Variants in BACH2 observed in about 807,000 individuals in gnomAD.
BACH2 encodes the protein transcription regulator protein BACH2.
A neutral mutation model predicts 61.8 loss-of-function variants in BACH2; 5 were observed. The ratio of observed to expected loss-of-function variants is 0.08; its 90% CI spans 0.04 to 0.17. The LOEUF (loss-of-function observed/expected upper bound fraction) is 0.17. BACH2 is among the 10% of genes least tolerant of loss of function. The pLI is 1.00. For synonymous variants in BACH2, 446 were observed against 440.1 expected, an observed-to-expected ratio of 1.01 and a Z score of -0.17; for missense variants, 824 against 1,091.1, an observed-to-expected ratio of 0.76 and a Z score of 3.45.
chr6:90,175,118 G>T (rs1387548282), intron 4 of BACH2, among the ~76,000 whole-genome samples: 1 of 151,970 alleles, frequency 6.6e-6, no homozygotes, highest in Non-Finnish European at 1.5e-5. Context: ...CCTTCCACAT[G>T]TATGATATAC....
intron 3 of BACH2, among the ~76,000 whole-genome samples, chr6:90,213,155 T>A (rs1027168070): frequency 1.3e-5 from 2 of 152,040 alleles, no homozygotes; most frequent in Non-Finnish European, 2.9e-5. Flanking sequence ...AAGAATGAGA[T>A]GAGTGAAAGG....
chr6:89,970,851 T>C (rs903561470), intron 6 of BACH2, among the ~76,000 whole-genome samples: 7 of 152,146 alleles, frequency 4.6e-5, no homozygotes, highest in Non-Finnish European at 1.0e-4. Context: ...ACACAAGATA[T>C]TTCTATATCT....
intron 6 of BACH2, among the ~76,000 whole-genome samples, chr6:90,004,487 T>C (rs923812413): frequency 6.6e-6 from 1 of 152,154 alleles, no homozygotes; most frequent in African/African-American, 2.4e-5. Flanking sequence ...AGAAAGGTGG[T>C]GAGACCTTGG....
Position 90,008,511 on chromosome 6 carries a change from G to T in BACH2, c.243+91C>A. 6.6e-7 allele frequency: 1 copy of T among 1,519,818 alleles called. No individual in the cohort carries two copies. The highest frequency in any genetic ancestry group is 1.2e-5 in the South Asian group (1 of 82,550). 94.1% of individuals were successfully genotyped at this position (1,519,818 alleles called of 1,614,324 possible). A position where few individuals can be genotyped will look rare whatever the true frequency, so the allele number is the denominator to read the frequency against. On this transcript the variant is annotated intron_variant, in intron 6 of 8. Transcript: ENST00000257749. This position sits in a 1 kb window ranked among gnomAD's most constrained non-coding sequence, Gnocchi z 4.1. ...GACATCAACTCCTGAGTGGGGACAT[G>T]GCACCTAGTACATCTTCTAGCTCCT...
chr6:90,037,075 C>T (rs1327483414), intron 5 of BACH2, among the ~76,000 whole-genome samples: 1 of 152,102 alleles, frequency 6.6e-6, no homozygotes, highest in African/African-American at 2.4e-5. Flanking sequence ...TAGGAAAATA[C>T]CTTCCATGGT....
At chr6:89,970,675 A>G (rs1193049372) in intron 6 of BACH2, among the ~76,000 whole-genome samples, 1 of 151,946 alleles carries the variant, frequency 6.6e-6, no homozygotes, top group Admixed American at 6.5e-5. Flanking sequence ...GACTGCAAAC[A>G]ATGAAGAAGG....
intron 5 of BACH2, among the ~76,000 whole-genome samples, chr6:90,081,562 C>T (rs1003507515): frequency 1.3e-5 from 2 of 152,166 alleles, no homozygotes; most frequent in African/African-American, 4.8e-5. Flanking sequence ...ATCCAATATA[C>T]ACTGAGTTCC....
At chr6:90,146,870 A>G (rs554652216) in intron 4 of BACH2, among the ~76,000 whole-genome samples, 16 of 152,234 alleles carry the variant, frequency 1.1e-4, no homozygotes, top group Non-Finnish European at 2.1e-4. Flanking sequence ...GTGAATGACG[A>G]TTAAAACTAT....
At chr6:90,047,939 C>T (rs1490851326) in intron 5 of BACH2, among the ~76,000 whole-genome samples, 1 of 152,102 alleles carries the variant, frequency 6.6e-6, no homozygotes, top group African/African-American at 2.4e-5. Flanking sequence ...GTAAATCTCT[C>T]CTTAAAGATT....
intron 5 of BACH2, among the ~76,000 whole-genome samples, chr6:90,028,752 T>C (rs1447669467): frequency 6.6e-6 from 1 of 152,006 alleles, no homozygotes; most frequent in Non-Finnish European, 1.5e-5. Context: ...GGTAGTGCAG[T>C]GGTTGTGGAT....
At chr6:90,120,786 G>A (rs367624479) in intron 4 of BACH2, among the ~76,000 whole-genome samples, 1 of 152,158 alleles carries the variant, frequency 6.6e-6, no homozygotes, top group South Asian at 2.1e-4. Context: ...GTGGTCAAAC[G>A]AATACTGAAT....
At chr6:90,187,129 TA>T (rs1257053394) in intron 4 of BACH2, among the ~76,000 whole-genome samples, 1 of 152,116 alleles carries the variant, frequency 6.6e-6, no homozygotes, top group African/African-American at 2.4e-5. Flanking sequence ...ACTAAATAAA[TA>T]AATCAAGTGT....
chr6:90,292,071 G>C (rs991138571), intron 1 of BACH2, among the ~76,000 whole-genome samples: 1 of 152,176 alleles, frequency 6.6e-6, no homozygotes. Context: ...TGAGGGCAGG[G>C]ACCATGTTCT....
chr6:90,208,062 G>A (rs1401076198), intron 3 of BACH2, among the ~76,000 whole-genome samples: 4 of 151,942 alleles, frequency 2.6e-5, no homozygotes, highest in South Asian at 2.1e-4. Flanking sequence ...TACCACATGC[G>A]GATTAAAGAC....
chr6:90,069,524 G>A (rs2127801072), intron 5 of BACH2, among the ~76,000 whole-genome samples: 1 of 152,306 alleles, frequency 6.6e-6, no homozygotes, highest in South Asian at 2.1e-4. Context: ...AAGACAATCA[G>A]TTGCTGTGTG....
intron 4 of BACH2, among the ~76,000 whole-genome samples, chr6:90,121,546 A>T (rs1021782744): frequency 5.3e-5 from 8 of 152,198 alleles, no homozygotes; most frequent in South Asian, 4.1e-4. Context: ...TTAATTAATT[A>T]ATTAATTTAT....
chr6:90,100,645 C>T (rs1308021856), intron 4 of BACH2, among the ~76,000 whole-genome samples: 3 of 150,994 alleles, frequency 2.0e-5, no homozygotes, highest in Non-Finnish European at 4.4e-5. Flanking sequence ...ATCATGTAAG[C>T]CAATTCTTTA....
intron 4 of BACH2, among the ~76,000 whole-genome samples, chr6:90,090,207 CCATAGAAATA>C (rs1430909630): frequency 6.6e-6 from 1 of 151,932 alleles, no homozygotes; most frequent in Non-Finnish European, 1.5e-5. Flanking sequence ...GTATTATACC[CCATAGAAATA>C]CATCTTATGT....
intron 3 of BACH2, among the ~76,000 whole-genome samples, chr6:90,245,095 G>C (rs1007962249): frequency 5.3e-5 from 8 of 152,024 alleles, no homozygotes; most frequent in African/African-American, 1.2e-4. Flanking sequence ...TACTTGGGAG[G>C]CTGAAGTGGG....
Sources: gnomAD v4.1 joint callset for allele counts (sites outside exome capture counted in the v4.1 genomes callset) on GRCh38, gnomAD v4.1.1 for gene constraint, Gnocchi (gnomAD v3.1) non-coding constraint, MANE v1.5 for transcripts, NCBI Gene and HGNC (gene_info 2026-07-23, HGNC 2026-07-21) for gene names.